The following TGM2 variants were observed in gnomAD, a reference collection of about 807,000 sequenced individuals.
TGM2 encodes the protein protein-glutamine gamma-glutamyltransferase 2.
In TGM2, 53 loss-of-function variants were observed where a neutral mutation model predicts 75.6. The ratio of observed to expected loss-of-function variants is 0.70; its 90% CI spans 0.56 to 0.88. TGM2 has a LOEUF of 0.88. TGM2 is among the 40% of genes least tolerant of loss of function. The pLI, the probability that TGM2 is intolerant of heterozygous loss-of-function variation, is 0.00. For missense variants in TGM2, 842 were observed against 928.5 expected, an observed-to-expected ratio of 0.91 and a Z score of 1.21; for synonymous variants, 374 against 381.1, an observed-to-expected ratio of 0.98 and a Z score of 0.22.
intron 4 of TGM2, among the ~76,000 whole-genome samples, chr20:38,148,434 C>A (rs1308599875): frequency 6.6e-6 from 1 of 152,188 alleles, no homozygotes; most frequent in East Asian, 1.9e-4. Context: ...CTGTCACTGT[C>A]CCTTTCTCCT....
chr20:38,155,577 C>T (rs903198763), intron 3 of TGM2, among the ~76,000 whole-genome samples: 1 of 152,152 alleles, frequency 6.6e-6, no homozygotes, highest in Admixed American at 6.5e-5. Flanking sequence ...ACTCCTGGCT[C>T]GCTCAAGTGA....
rs528151675 is a variant in TGM2 at position 38,155,516 on chromosome 20, A to T, written c.433+331T>A. On this transcript the variant is annotated intron_variant, in intron 3 of 12. Transcript: ENST00000361475. ...ACTACCACACCCAGCTACTGTTAAA[A>T]TTTTTTTTTGTAGAGACAGGGTCTT... Among the ~76,000 whole-genome samples, 168 of 151,038 alleles carry T rather than the reference A, an allele frequency of 1.1e-3. 1 individual carries two copies. Among genetic ancestry groups the T allele is most frequent in the Non-Finnish European group, 1.4e-3 (95 of 67,656 alleles).
chr20:38,149,564 A>G (rs2122923090), intron 4 of TGM2, among the ~76,000 whole-genome samples: 1 of 151,870 alleles, frequency 6.6e-6, no homozygotes, highest in East Asian at 1.9e-4. Context: ...CTGTAGTCCC[A>G]GCTACTCGGG....
Position 38,129,977 on chromosome 20 carries a change from A to T in TGM2, c.*242T>A. The T allele has an allele frequency of 3.5e-6, 2 of 574,884 alleles. No individual in the cohort carries two copies. The highest frequency in any genetic ancestry group is 4.3e-5 in the South Asian group (2 of 46,446). 35.6% of individuals were successfully genotyped at this position (574,884 alleles called of 1,614,324 possible). ...TCTCTCACCCCAGCCCCAGTCAGCC[A>T]AGGTCAGGGCTCCCACTGTTTCTGG... On this transcript the variant is annotated 3_prime_UTR_variant, in exon 13 of 13. Transcript: ENST00000361475.
chr20:38,164,458 G>A (rs2075289054), intron 1 of TGM2, among the ~76,000 whole-genome samples: 1 of 152,174 alleles, frequency 6.6e-6, no homozygotes, highest in African/African-American at 2.4e-5. Context: ...AGGGGCACCA[G>A]TATGAAATTA....
At chr20:38,163,585 TCACTA>T (rs1240138031) in intron 1 of TGM2, among the ~76,000 whole-genome samples, 3 of 152,140 alleles carry the variant, frequency 2.0e-5, no homozygotes, top group Non-Finnish European at 4.4e-5. Context: ...GGGAACCACC[TCACTA>T]CAGCTCAGTT....
At position 38,149,678 on chromosome 20, in the gene TGM2, C is replaced by CAAAAAAAAAAAAA. The variant is rs1199376180; in HGVS notation, c.552+1248_552+1260dup. On this transcript the variant is annotated intron_variant, in intron 4 of 12. Coordinates refer to ENST00000361475, the MANE Select transcript of TGM2 (RefSeq NM_004613.4). Reference sequence around the variant, plus strand: ...TGGGCAACAGAGCGAGACTCCGCCTCAAAAAAAAAAAAAAAAAAAAAAACA... The same window carrying CAAAAAAAAAAAAA: ...TGGGCAACAGAGCGAGACTCCGCCTCAAAAAAAAAAAAAAAAAAAAAAAAAAAAAAAAAAAACA... 3.7e-3 allele frequency among the ~76,000 whole-genome samples: 151 copies of CAAAAAAAAAAAAA among 40,426 alleles called. 10 individuals carry two copies. Among genetic ancestry groups the CAAAAAAAAAAAAA allele is most frequent in the African/African-American group, 0.011 (116 of 10,742 alleles). The allele number at this position is 40,426 out of a possible 152,430, so 26.5% of individuals were successfully genotyped here. A position where few individuals can be genotyped will look rare whatever the true frequency, so the allele number is the denominator to read the frequency against.
At chr20:38,131,039 A>T in intron 12 of TGM2, 54 bp downstream of exon 12, 1 of 1,605,876 alleles carries the variant, frequency 6.2e-7, no homozygotes, top group Non-Finnish European at 8.5e-7. Context: ...CTCTACCCCC[A>T]CCGGCATCTG....
intron 3 of TGM2, among the ~76,000 whole-genome samples, chr20:38,152,560 A>T (rs1274178485): frequency 6.6e-6 from 1 of 152,184 alleles, no homozygotes; most frequent in African/African-American, 2.4e-5. Context: ...CAAGACTGTG[A>T]CATCCCCAGC....
At position 38,134,267 on chromosome 20, in the gene TGM2, C is replaced by G. The variant is rs564433192; in HGVS notation, c.1616-1767G>C. Among the ~76,000 whole-genome samples the G allele has an allele frequency of 2.0e-5, 3 of 152,330 alleles. No homozygotes were observed. In the East Asian group the frequency reaches 5.8e-4, roughly 29 times the overall value. Reference sequence around the variant, plus strand: ...GCCCACCTCTTTGGCCTTTCATTCCCTGGGTGGATCTGCTCCAACCTCTCA... The same window carrying G: ...GCCCACCTCTTTGGCCTTTCATTCCGTGGGTGGATCTGCTCCAACCTCTCA... On this transcript the variant is annotated intron_variant, in intron 10 of 12. Coordinates refer to ENST00000361475, the MANE Select transcript of TGM2 (RefSeq NM_004613.4).
rs947325657 is a variant in TGM2, at chr20:38,131,295, T to C, written c.1777-66A>G. Reference sequence around the variant, plus strand: ...TCCAGGCTGGGCTGTCTGCATTCACTGCAATTTGGCCCAATATTTGCTGAA... The same window carrying C: ...TCCAGGCTGGGCTGTCTGCATTCACCGCAATTTGGCCCAATATTTGCTGAA... On this transcript the variant is annotated intron_variant, in intron 11 of 12. Coordinates refer to ENST00000361475, the MANE Select transcript of TGM2 (RefSeq NM_004613.4). 7 of 1,606,856 alleles carry C rather than the reference T, an allele frequency of 4.4e-6. No individual in the cohort carries two copies. The Admixed American group carries it at 1.2e-4, about 27-fold the overall frequency.
chr20:38,133,415 G>A lies in TGM2; in HGVS notation c.1616-915C>T, dbSNP rs138514874. ...CTGGGCAGAGGTAAGACCAAGGGTC[G>A]TTGCAGAGCAAAAGCCGCACAGTGA... On this transcript the variant is annotated intron_variant, in intron 10 of 12. Transcript: ENST00000361475. 5.6e-3 allele frequency: 882 copies of A among 156,990 alleles called. 8 individuals are homozygous for A. Among genetic ancestry groups the A allele is most frequent in the African/African-American group, 0.02 (837 of 41,658 alleles). 9.7% of individuals were successfully genotyped at this position (156,990 alleles called of 1,614,324 possible). A position where few individuals can be genotyped will look rare whatever the true frequency, so the allele number is the denominator to read the frequency against.
At chr20:38,153,528 A>AAAAAAAAAAAAAAAAAAAAG (rs56670550) in intron 3 of TGM2, among the ~76,000 whole-genome samples, 8,909 of 122,326 alleles carry the variant, frequency 0.073, 499 homozygotes, top group East Asian at 0.28. Context: ...TGGTCTCAAA[A>AAAAAAAAAAAAAAAAAAAAG]AAAAGAAAAA....
upstream of TGM2, chr20:38,165,349 C>T (rs1425785752): frequency 1.5e-5 from 17 of 1,147,166 alleles, no homozygotes; most frequent in East Asian, 7.6e-5. Context: ...AGGCGGCGAC[C>T]TGGGAGGCCA....
At position 38,156,055 on chromosome 20, in the gene TGM2, G is replaced by A; in HGVS notation, c.225C>T (p.Ala75=). The change falls in exon 3 of 13, where the codon GCC becomes GCT. Residue 75 remains alanine (A), a synonymous_variant. Coordinates refer to ENST00000361475, the MANE Select transcript of TGM2 (RefSeq NM_004613.4). ...PAPSQEAGTK[A]RFPLRDAVEE... Reference sequence around the variant, plus strand: ...CCACAGCATCTCTTAGTGGAAAACGGGCCTTGGTCCCGGCCTCCTGGCTAG... The same window carrying A: ...CCACAGCATCTCTTAGTGGAAAACGAGCCTTGGTCCCGGCCTCCTGGCTAG... 1 of 1,613,752 alleles carries A rather than the reference G, an allele frequency of 6.2e-7. No homozygotes were observed. The highest frequency in any genetic ancestry group is 8.5e-7 in the Non-Finnish European group (1 of 1,179,984).
At chr20:38,152,263 C>T (rs995317795) in intron 3 of TGM2, among the ~76,000 whole-genome samples, 20 of 152,184 alleles carry the variant, frequency 1.3e-4, no homozygotes, top group African/African-American at 7.2e-5. Flanking sequence ...AAGCAGCTGC[C>T]GGCCCCTCAG....
Position 38,148,019 on chromosome 20 carries a change from C to A in TGM2, c.623G>T (p.Gly208Val). The change falls in exon 5 of 13, where the codon GGC (glycine) becomes GTC (valine). Residue 208 changes from glycine to valine, a missense_variant. Transcript: ENST00000361475. ...GCTGCTGCGGCGGGAGCAGTCACGG[C>A]CGGCGTTCTTCAGGAACTTGGGGTT... ...DVNPKFLKNA[G>V]RDCSRRSSPV... 2 of 1,612,820 alleles carry A rather than the reference C, an allele frequency of 1.2e-6. No homozygotes were observed. Among genetic ancestry groups the A allele is most frequent in the Non-Finnish European group, 1.7e-6 (2 of 1,179,622 alleles).
In TGM2 at chr20:38,130,284, T is replaced by C. The variant is rs145777113; in HGVS notation, c.1999A>G (p.Asn667Asp). The change falls in exon 13 of 13, where the codon AAC becomes GAC. Residue 667 changes from asparagine (N) to aspartate (D), a missense_variant. Transcript: ENST00000361475. ...GCCTTCAGCTTGTCGCTCTCGAAGT[T>C]CACCACCAGCTTGTGGAGGCCCATG... ...LHMGLHKLVV[N>D]FESDKLKAVK... 6.8e-6 allele frequency: 11 copies of C among 1,612,944 alleles called. No homozygotes were observed. The highest frequency in any genetic ancestry group is 9.3e-6 in the Non-Finnish European group (11 of 1,179,798).
intron 9 of TGM2, 102 bp from the exon 10 acceptor site, chr20:38,138,487 G>C: frequency 6.3e-7 from 1 of 1,598,842 alleles, no homozygotes. Flanking sequence ...ATGACTCAGG[G>C]CAGCCATGAA....
Sources: allele counts gnomAD v4.1 joint callset (sites outside exome capture counted in the v4.1 genomes callset), GRCh38; gene constraint gnomAD v4.1.1; transcripts MANE v1.5; gene names NCBI Gene and HGNC (gene_info 2026-07-23, HGNC 2026-07-21).